The following RPS6KC1 variants were observed in gnomAD, a reference collection of about 807,000 sequenced individuals.
RPS6KC1 encodes the protein ribosomal protein S6 kinase C1.
A neutral mutation model predicts 103.8 loss-of-function variants in RPS6KC1; 54 were observed. The ratio of observed to expected loss-of-function variants is 0.52; its 90% CI spans 0.42 to 0.65. The LOEUF is 0.65. Ranked by LOEUF, RPS6KC1 falls within the 30% of genes least tolerant of loss-of-function variation. The pLI, the probability that RPS6KC1 is intolerant of heterozygous loss-of-function variation, is 0.00. For synonymous variants in RPS6KC1, 439 were observed against 438.7 expected (o/e 1.00, Z -0.01); for missense variants, 1,151 against 1,253.8 (o/e 0.92, Z 1.24).
At chr1:213,850,147 G>A in the RPS6KC1 span, among the ~76,000 whole-genome samples, 1 of 151,790 alleles carries the variant, frequency 6.6e-6, no homozygotes, top group Non-Finnish European at 1.5e-5. Flanking sequence ...ACAAATAATT[G>A]TGATAACAGT....
the RPS6KC1 span, among the ~76,000 whole-genome samples, chr1:213,363,679 T>C: frequency 2.0e-3 from 176 of 89,468 alleles, 8 homozygotes; most frequent in East Asian, 9.1e-3. Flanking sequence ...TCTTTCTTTC[T>C]TTCTTTCTTT....
At chr1:213,514,718 G>C in the RPS6KC1 span, among the ~76,000 whole-genome samples, 10 of 152,272 alleles carry the variant, frequency 6.6e-5, no homozygotes, top group South Asian at 1.5e-3. Context: ...ATAGCAGCAT[G>C]TTTTATAATC....
chr1:213,163,077 G>C (rs899370011), intron 6 of RPS6KC1, among the ~76,000 whole-genome samples: 1 of 152,138 alleles, frequency 6.6e-6, no homozygotes, highest in Non-Finnish European at 1.5e-5. Context: ...ATGGTAGGCT[G>C]TACCTGAAAA....
intron 1 of RPS6KC1, among the ~76,000 whole-genome samples, chr1:213,053,031 C>G (rs2077074144): frequency 6.6e-6 from 1 of 152,120 alleles, no homozygotes; most frequent in Admixed American, 6.5e-5. Context: ...GTTTGTTGCT[C>G]CCTGCTTGCA....
intron 6 of RPS6KC1, among the ~76,000 whole-genome samples, chr1:213,130,269 G>A (rs776438794): frequency 6.6e-6 from 1 of 152,138 alleles, no homozygotes; most frequent in Non-Finnish European, 1.5e-5. Flanking sequence ...AAAATGAAAT[G>A]GATTTTTAAA....
chr1:213,230,884 A>T (rs1164608309), intron 9 of RPS6KC1, among the ~76,000 whole-genome samples: 1 of 151,698 alleles, frequency 6.6e-6, no homozygotes, highest in Non-Finnish European at 1.5e-5. Context: ...ATGTTTAATG[A>T]ATTTAAAATT....
At chr1:213,854,161 A>G in the RPS6KC1 span, among the ~76,000 whole-genome samples, 28 of 152,290 alleles carry the variant, frequency 1.8e-4, 1 homozygote, top group East Asian at 3.7e-3. Context: ...CCCTACCTCA[A>G]CCACAAATAG....
At chr1:213,541,875 C>T in the RPS6KC1 span, among the ~76,000 whole-genome samples, 1 of 152,120 alleles carries the variant, frequency 6.6e-6, no homozygotes. Context: ...GTGCTGCAGG[C>T]TAAGCAAAAT....
the RPS6KC1 span, among the ~76,000 whole-genome samples, chr1:213,675,482 C>A: frequency 6.6e-6 from 1 of 152,172 alleles, no homozygotes; most frequent in African/African-American, 2.4e-5. Context: ...GTTATTCTTT[C>A]GCATATGGCT....
At chr1:213,785,331 G>A in the RPS6KC1 span, among the ~76,000 whole-genome samples, 1 of 152,094 alleles carries the variant, frequency 6.6e-6, no homozygotes, top group Non-Finnish European at 1.5e-5. Context: ...GGAAGCAGAG[G>A]TTTGGTCTCC....
At chr1:213,298,145 T>C in the RPS6KC1 span, among the ~76,000 whole-genome samples, 1 of 152,220 alleles carries the variant, frequency 6.6e-6, no homozygotes, top group African/African-American at 2.4e-5. Flanking sequence ...TTCAACATCA[T>C]GCTGGGAATT....
At chr1:213,686,848 A>G in the RPS6KC1 span, among the ~76,000 whole-genome samples, 1 of 152,210 alleles carries the variant, frequency 6.6e-6, no homozygotes, top group Non-Finnish European at 1.5e-5. Context: ...TCTTGATTAT[A>G]TGCTAAACAA....
the RPS6KC1 span, among the ~76,000 whole-genome samples, chr1:213,705,280 A>G: frequency 6.6e-6 from 1 of 152,092 alleles, no homozygotes; most frequent in African/African-American, 2.4e-5. Flanking sequence ...CAAAAACGTT[A>G]GAAGTCCACC....
chr1:213,384,978 G>T, the RPS6KC1 span, among the ~76,000 whole-genome samples: 3 of 152,156 alleles, frequency 2.0e-5, no homozygotes, highest in Non-Finnish European at 4.4e-5. Flanking sequence ...TTTACTGCCT[G>T]GGGGGCTGAA....
At chr1:213,414,116 TG>T in the RPS6KC1 span, among the ~76,000 whole-genome samples, 1 of 152,050 alleles carries the variant, frequency 6.6e-6, no homozygotes, top group Non-Finnish European at 1.5e-5. Flanking sequence ...GAGGTGGGGA[TG>T]GGGGAAGGTG....
the RPS6KC1 span, among the ~76,000 whole-genome samples, chr1:213,374,034 A>G: frequency 5.3e-5 from 8 of 152,218 alleles, no homozygotes; most frequent in Admixed American, 5.2e-4. Context: ...ATGTATAAGT[A>G]GAATTTGCAG....
In RPS6KC1 at chr1:213,180,268, GAAC is replaced by G. The variant is rs376426751; in HGVS notation, c.1044+3782_1044+3784del. Among the ~76,000 whole-genome samples the G allele has an allele frequency of 2.6e-3, 391 of 152,240 alleles. 2 individuals are homozygous for G. Among genetic ancestry groups the G allele is most frequent in the African/African-American group, 8.6e-3 (359 of 41,546 alleles). On this transcript the variant is annotated intron_variant, in intron 8 of 14. Transcript: ENST00000366960. Reference sequence around the variant, plus strand: ...GTGAAAAGGGCTATTAATTGTGTCAGAACAACAAGTGCAAACTAAAATCATCTC... The same window carrying G: ...GTGAAAAGGGCTATTAATTGTGTCAGAACAAGTGCAAACTAAAATCATCTC...
chr1:213,346,513 A>G, the RPS6KC1 span, among the ~76,000 whole-genome samples: 11 of 152,194 alleles, frequency 7.2e-5, no homozygotes, highest in Admixed American at 2.0e-4. Flanking sequence ...TATGATGAAA[A>G]TGATCATAAA....
the RPS6KC1 span, among the ~76,000 whole-genome samples, chr1:213,759,190 T>G: frequency 6.6e-6 from 1 of 152,098 alleles, no homozygotes; most frequent in Non-Finnish European, 1.5e-5. Context: ...GCAAAAAGAT[T>G]ATGACTTGCT....
Sources: allele counts gnomAD v4.1 joint callset (sites outside exome capture counted in the v4.1 genomes callset), GRCh38; gene constraint gnomAD v4.1.1; transcripts MANE v1.5; gene names NCBI Gene and HGNC (gene_info 2026-07-23, HGNC 2026-07-21).